The following FAM83G variants were observed in gnomAD, a reference collection of about 807,000 sequenced individuals.
FAM83G encodes the protein protein FAM83G.
FAM83G carries 38 observed loss-of-function variants against 61.5 expected under a neutral mutation model. That is an observed-to-expected ratio of 0.62 (90% CI 0.48 to 0.81). The LOEUF (loss-of-function observed/expected upper bound fraction) is 0.81. Among genes scored for constraint, FAM83G ranks in the 30% least tolerant of loss-of-function variants. FAM83G has a pLI of 0.00. For synonymous variants in FAM83G, 470 were observed against 476.1 expected (o/e 0.99, Z 0.17); for missense variants, 989 against 1,133.6 (o/e 0.87, Z 1.83).
intron 2 of FAM83G, among the ~76,000 whole-genome samples, chr17:18,990,911 G>T (rs2043405364): frequency 6.6e-6 from 1 of 152,150 alleles, no homozygotes; most frequent in African/African-American, 2.4e-5. Context: ...GGAAAGCTGG[G>T]ATCACAGTCC....
Position 18,978,138 on chromosome 17 carries a change from C to T in FAM83G, c.1528G>A (p.Val510Ile), listed in dbSNP as rs1427749180. The change falls in exon 5 of 6, where the codon GTC becomes ATC. Residue 510 changes from valine to isoleucine, a missense_variant. This residue lies in a region of FAM83G where 574 missense variants were observed against 645.1 expected (regional missense o/e 0.89). Coordinates refer to ENST00000388995, the MANE Select transcript of FAM83G (RefSeq NM_001039999.3). The part of the protein sequence containing the change: ...PLPPVPKPRT[V>I]PVADVLARDS... Reference sequence around the variant, plus strand: ...CGGGCTAGTACATCTGCCACAGGGACTGTCCGGGGCTTGGGCACGGGGGGC... The same window carrying T: ...CGGGCTAGTACATCTGCCACAGGGATTGTCCGGGGCTTGGGCACGGGGGGC... 2 of 1,520,508 alleles carry T rather than the reference C, an allele frequency of 1.3e-6. No homozygotes were observed. The highest frequency in any genetic ancestry group is 1.4e-5 in the African/African-American group (1 of 72,250). 94.2% of individuals were successfully genotyped at this position (1,520,508 alleles called of 1,614,324 possible).
At chr17:18,988,536 C>T in intron 2 of FAM83G, 122 bp from the exon 3 acceptor site, 1 of 1,477,310 alleles carries the variant, frequency 6.8e-7, no homozygotes, top group Non-Finnish European at 9.1e-7. Context: ...TCTGGCCCTA[C>T]TCCTGGAGCC....
At chr17:18,981,533 G>C (rs940602808) in intron 3 of FAM83G, among the ~76,000 whole-genome samples, 1 of 152,092 alleles carries the variant, frequency 6.6e-6, no homozygotes, top group African/African-American at 2.4e-5. Context: ...GAGAGGAGGG[G>C]AGCCTGAGAG....
At chr17:18,982,567 T>A (rs1283374353) in intron 3 of FAM83G, among the ~76,000 whole-genome samples, 1 of 152,132 alleles carries the variant, frequency 6.6e-6, no homozygotes, top group Non-Finnish European at 1.5e-5. Flanking sequence ...AGAGAGGACG[T>A]CAAGGGCGAG....
rs58133737 is a variant in FAM83G, at chr17:18,976,187, C to CAAAAAAAAAAAAAAAAAAAAAAAAA, written c.2082+1396_2082+1397insTTTTTTTTTTTTTTTTTTTTTTTTT. The CAAAAAAAAAAAAAAAAAAAAAAAAA allele has an allele frequency of 1.8e-5, 2 of 108,466 alleles. 1 individual carries two copies. The allele number at this position is 108,466 out of a possible 1,614,324, so 6.7% of individuals were successfully genotyped here. A position where few individuals can be genotyped will look rare whatever the true frequency, so the allele number is the denominator to read the frequency against. ...TGGGCGACAGAGCAAGACTCCGACT[C>CAAAAAAAAAAAAAAAAAAAAAAAAA]AAAAAAAAAGTAACTCTTTTGAAGT... On this transcript the variant is annotated intron_variant, in intron 5 of 5. Coordinates refer to ENST00000388995, the MANE Select transcript of FAM83G (RefSeq NM_001039999.3).
chr17:18,978,303 C>T lies in FAM83G; in HGVS notation c.1363G>A (p.Ala455Thr). ...NRIKIRDTSQ[A>T]SAQHQLWKQS... The stretch of plus-strand genomic sequence containing the variant: ...TTCCACAGCTGGTGCTGGGCGCTGG[C>T]CTGGGAGGTGTCACGGATCTTGATG... The change falls in exon 5 of 6, where the codon GCC becomes ACC. Residue 455 changes from alanine (A) to threonine (T), a missense_variant. By Grantham distance (58) the Ala-to-Thr change is moderately conservative. Around this residue, in one of 3 missense-constraint regions of FAM83G, gnomAD observed 574 missense variants for 645.1 expected, o/e 0.89. Transcript: ENST00000388995. The T allele has an allele frequency of 6.2e-7, 1 of 1,610,912 alleles. No homozygotes were observed. Among genetic ancestry groups the T allele is most frequent in the Non-Finnish European group, 8.5e-7 (1 of 1,178,820 alleles).
chr17:18,975,290 C>T (rs750228931), intron 5 of FAM83G, among the ~76,000 whole-genome samples: 12 of 152,270 alleles, frequency 7.9e-5, no homozygotes, highest in Admixed American at 2.0e-4. Context: ...GGCTGCAGCC[C>T]GCAGGCATTC....
At position 19,003,395 on chromosome 17, in the gene FAM83G, G is replaced by T; in HGVS notation, c.522+125C>A. On this transcript the variant is annotated intron_variant, in intron 2 of 5. Coordinates refer to ENST00000388995, the MANE Select transcript of FAM83G (RefSeq NM_001039999.3). This position sits in a 1 kb window ranked among gnomAD's most constrained non-coding sequence, Gnocchi z 4.5. ...AAACCTCCACCCAAGAGGCAGCCAG[G>T]GAAAACAGCAGAGATCCCTAGAAGC... is the stretch of plus-strand genomic sequence containing the variant. The T allele has an allele frequency of 1.9e-6, 2 of 1,069,968 alleles. No homozygotes were observed. Among genetic ancestry groups the T allele is most frequent in the Non-Finnish European group, 1.2e-6 (1 of 805,216 alleles). The allele number at this position is 1,069,968 out of a possible 1,614,324, so 66.3% of individuals were successfully genotyped here. A position where few individuals can be genotyped will look rare whatever the true frequency, so the allele number is the denominator to read the frequency against.
chr17:18,983,107 G>GTA (rs2043179635), intron 3 of FAM83G, among the ~76,000 whole-genome samples: 1 of 152,238 alleles, frequency 6.6e-6, no homozygotes, highest in African/African-American at 2.4e-5. Context: ...ACTGTCAGCC[G>GTA]TACTGGGTGG....
Position 18,979,614 on chromosome 17 carries a change from G to A in FAM83G, c.750C>T (p.Phe250=). The change falls in exon 4 of 6, where the codon TTC becomes TTT. Residue 250 remains phenylalanine (F), a synonymous_variant. Coordinates refer to ENST00000388995, the MANE Select transcript of FAM83G (RefSeq NM_001039999.3). ...TEFFTRSATK[F]KGALAQKFMF... is the part of the protein sequence containing the mutation. ...TGAACTTCTGGGCCAGGGCACCCTT[G>A]AACTTGGTTGCCGACCGCGTGAAGA... is the stretch of plus-strand genomic sequence containing the variant. The A allele has an allele frequency of 1.2e-6, 2 of 1,613,542 alleles. No individual in the cohort carries two copies. The highest frequency in any genetic ancestry group is 8.5e-7 in the Non-Finnish European group (1 of 1,179,996).
chr17:18,977,348 T>C (rs2469860), intron 5 of FAM83G: 352,145 of 583,146 alleles, frequency 0.6, 107,432 homozygotes, highest in East Asian at 0.74. Context: ...ACGTGCATTT[T>C]CTTAGGTTGC....
chr17:18,995,529 G>A (rs1039593447), intron 2 of FAM83G, among the ~76,000 whole-genome samples: 1 of 152,176 alleles, frequency 6.6e-6, no homozygotes, highest in Non-Finnish European at 1.5e-5. Flanking sequence ...GTCTCAGAAG[G>A]TGGAAGGGTT....
rs1225807334 is a variant in FAM83G, at chr17:18,971,724, C to A, written c.2107G>T (p.Val703Phe). Reference protein sequence around the residue: ...AQGQQFHHHRVPASGTRDKDG... With the variant: ...AQGQQFHHHRFPASGTRDKDG... ...TTATCCCTAGTCCCTGAGGCAGGGA[C>A]CCTGTGATGATGAAACTGCTGGCCC... Residue 703 changes from valine (V) to phenylalanine (F), a missense_variant, in exon 6 of 6, where the codon GTC (valine) becomes TTC (phenylalanine). Transcript: ENST00000388995. This position sits in a 1 kb window ranked among gnomAD's most constrained non-coding sequence, Gnocchi z 5.5. 4 of 1,579,954 alleles carry A rather than the reference C, an allele frequency of 2.5e-6. No individual in the cohort carries two copies. The highest frequency in any genetic ancestry group is 2.3e-5 in the South Asian group (2 of 86,852).
At chr17:18,977,472 A>C in intron 5 of FAM83G, 112 bp downstream of exon 5, 4 of 1,069,192 alleles carry the variant, frequency 3.7e-6, no homozygotes, top group Non-Finnish European at 5.4e-6. Flanking sequence ...TAACAAGGGA[A>C]TTGAAGTCAT....
intron 2 of FAM83G, among the ~76,000 whole-genome samples, chr17:18,993,071 C>T (rs993498634): frequency 2.0e-5 from 3 of 152,148 alleles, no homozygotes; most frequent in East Asian, 1.9e-4. Flanking sequence ...TGGGGCGAGA[C>T]GGGCTGGCCT....
At chr17:18,979,769 CTG>C in intron 3 of FAM83G, 96 bp from the exon 4 acceptor site, 1 of 1,417,854 alleles carries the variant, frequency 7.1e-7, no homozygotes, top group Non-Finnish European at 9.8e-7. Flanking sequence ...AGAGGGGACT[CTG>C]GAGTAGTCAG....
chr17:18,998,929 C>G (rs1297708201), intron 2 of FAM83G, among the ~76,000 whole-genome samples: 2 of 152,196 alleles, frequency 1.3e-5, no homozygotes, highest in Non-Finnish European at 2.9e-5. Flanking sequence ...TCTTGTGAGT[C>G]CCCGTCCCAG....
rs756740100 is a variant in FAM83G, at chr17:18,978,585, C to T, written c.1081G>A (p.Ala361Thr). ...LVKAKSVDEI[A>T]KISSEKQEAK... ...TCCTGCTTCTCAGAGGAGATCTTGG[C>T]AATCTCGTCGACGCTCTTGGCCTTG... The change falls in exon 5 of 6, where the codon GCC becomes ACC. Residue 361 changes from alanine to threonine, a missense_variant. By Grantham distance (58) the Ala-to-Thr change is moderately conservative. This residue lies in a region of FAM83G where 574 missense variants were observed against 645.1 expected (regional missense o/e 0.89). Coordinates refer to ENST00000388995, the MANE Select transcript of FAM83G (RefSeq NM_001039999.3). 5 of 1,613,162 alleles carry T rather than the reference C, an allele frequency of 3.1e-6. No individual in the cohort carries two copies. In the Admixed American group the frequency reaches 8.3e-5, roughly 27 times the overall value.
At position 19,003,834 on chromosome 17, in the gene FAM83G, T is replaced by C. The variant is rs749098636; in HGVS notation, c.208A>G (p.Thr70Ala). Residue 70 changes from threonine (T) to alanine (A), a missense_variant, in exon 2 of 6, where the codon ACC becomes GCC. Around this residue, in one of 3 missense-constraint regions of FAM83G, gnomAD observed 371 missense variants for 404.5 expected, o/e 0.92. Transcript: ENST00000388995. This position sits in a 1 kb window ranked among gnomAD's most constrained non-coding sequence, Gnocchi z 4.5. The stretch of plus-strand genomic sequence containing the variant: ...GAGCCCGGGTCGTACACCTCGATGG[T>C]CTCCAGGATGCGCTTGAGCTCCAGC... Reference protein sequence around the residue: ...SELELKRILETIEVYDPGSED... With the variant: ...SELELKRILEAIEVYDPGSED... The C allele has an allele frequency of 4.3e-6, 7 of 1,612,644 alleles. No individual in the cohort carries two copies. The South Asian group carries it at 6.6e-5, about 15-fold the overall frequency.
Sources: gnomAD v4.1 joint callset for allele counts (sites outside exome capture counted in the v4.1 genomes callset) on GRCh38, gnomAD v4.1.1 for gene constraint, gnomAD v4.1.1 regional missense constraint, Gnocchi (gnomAD v3.1) non-coding constraint, MANE v1.5 for transcripts, NCBI Gene and HGNC (gene_info 2026-07-23, HGNC 2026-07-21) for gene names.